The following CROT variants were observed in gnomAD, a reference collection of about 807,000 sequenced individuals.
CROT encodes the protein carnitine O-octanoyltransferase.
In CROT, 84 loss-of-function variants were observed where a neutral mutation model predicts 89.2. That is an observed-to-expected ratio of 0.94 (90% confidence interval 0.79 to 1.13). CROT has a LOEUF of 1.13. CROT is among the 50% of genes most tolerant of loss of function. The pLI is 0.00. For missense variants in CROT, 711 were observed against 727.8 expected, an observed-to-expected ratio of 0.98 and a Z score of 0.27; for synonymous variants, 212 against 239.5, an observed-to-expected ratio of 0.89 and a Z score of 1.06.
chr7:87,385,149 T>TC (rs1436014382), intron 13 of CROT, among the ~76,000 whole-genome samples: 2 of 152,008 alleles, frequency 1.3e-5, no homozygotes, highest in African/African-American at 4.8e-5. Context: ...TTTTTTTTTT[T>TC]CCCCTGGTAT....
At chr7:87,380,958 C>G (rs535195204) in intron 10 of CROT, among the ~76,000 whole-genome samples, 4 of 152,324 alleles carry the variant, frequency 2.6e-5, no homozygotes, top group South Asian at 4.1e-4. Flanking sequence ...GCATCTTATA[C>G]TGACCTCCCT....
intron 3 of CROT, among the ~76,000 whole-genome samples, chr7:87,353,361 C>CTAGT (rs1805939802): frequency 6.6e-6 from 1 of 151,976 alleles, no homozygotes; most frequent in African/African-American, 2.4e-5. Flanking sequence ...GTTGGCCAGG[C>CTAGT]TAGTCTCAAA....
At chr7:87,354,950 G>A (rs182622660) in intron 3 of CROT, among the ~76,000 whole-genome samples, 10 of 151,928 alleles carry the variant, frequency 6.6e-5, no homozygotes, top group Non-Finnish European at 1.2e-4. Flanking sequence ...TACACAAACC[G>A]TCTATGACAT....
intron 6 of CROT, among the ~76,000 whole-genome samples, chr7:87,367,581 T>G (rs539071962): frequency 4.8e-4 from 73 of 152,370 alleles, no homozygotes; most frequent in African/African-American, 1.7e-3. Flanking sequence ...TGCAATATGT[T>G]ACTGCAAATT....
rs1807646279 is a variant in CROT at position 87,398,854 on chromosome 7, C to T, written c.*210C>T. On this transcript the variant is annotated 3_prime_UTR_variant, in exon 18 of 18. Coordinates refer to ENST00000331536, the MANE Select transcript of CROT (RefSeq NM_021151.4). The stretch of plus-strand genomic sequence containing the variant: ...GAAATATTTTTAAGCTCCTCTGATG[C>T]AGCAGCAATGCAAATTATGACATAG... The T allele has an allele frequency of 3.7e-6, 2 of 544,452 alleles. No individual in the cohort carries two copies. The highest frequency in any genetic ancestry group is 1.9e-5 in the African/African-American group (1 of 52,498). The allele number at this position is 544,452 out of a possible 1,614,324, so 33.7% of individuals were successfully genotyped here.
At chr7:87,382,205 A>G in intron 12 of CROT, 24 bp downstream of exon 12, 1 of 1,553,922 alleles carries the variant, frequency 6.4e-7, no homozygotes, top group Non-Finnish European at 8.8e-7. Flanking sequence ...TTTTCTCTTA[A>G]ATAATAATGA....
At chr7:87,374,998 C>T (rs770099661) in intron 7 of CROT, among the ~76,000 whole-genome samples, 4 of 152,014 alleles carry the variant, frequency 2.6e-5, no homozygotes, top group Non-Finnish European at 5.9e-5. Flanking sequence ...AGTTATTTAT[C>T]TGCTGTATGT....
At chr7:87,349,206 T>C (rs781060257) in intron 3 of CROT, 23 bp downstream of exon 3, 6 of 1,138,804 alleles carry the variant, frequency 5.3e-6, no homozygotes, top group African/African-American at 3.2e-5. Context: ...TCTTTTAGTA[T>C]ATATTAATAT....
At chr7:87,350,147 C>G (rs1357828061) in intron 3 of CROT, among the ~76,000 whole-genome samples, 1 of 152,110 alleles carries the variant, frequency 6.6e-6, no homozygotes, top group Non-Finnish European at 1.5e-5. Flanking sequence ...TGCTGGAAAG[C>G]TCATGAAACT....
intron 2 of CROT, among the ~76,000 whole-genome samples, chr7:87,347,974 T>C (rs1259736764): frequency 2.6e-5 from 4 of 152,178 alleles, no homozygotes; most frequent in African/African-American, 9.6e-5. Flanking sequence ...CAGCTACAAC[T>C]CAGGATTCTG....
rs755734293 is a variant in CROT, at chr7:87,392,805, AC to A, written c.1583del (p.Pro528HisfsTer28). ...EGLPVPELFTDPLFSKSGGGG... is the reference protein window; with the variant it reads ...EGLPVPELFTXPLFSKSGGGG... ...CTTCCTGTTCCAGAACTCTTTACGG[AC>A]CCACTTTTTTCCAAAAGGTAATATA... On this transcript the variant is annotated frameshift_variant, in exon 16 of 18. Coordinates refer to ENST00000331536, the MANE Select transcript of CROT (RefSeq NM_021151.4). LOFTEE classifies it high-confidence loss of function. The A allele has an allele frequency of 6.2e-7, 1 of 1,613,624 alleles. No individual in the cohort carries two copies. The highest frequency in any genetic ancestry group is 1.3e-5 in the African/African-American group (1 of 75,012).
chr7:87,357,577 G>C, intron 3 of CROT: 1 of 1,288,892 alleles, frequency 7.8e-7, no homozygotes, highest in South Asian at 1.3e-5. Context: ...ATCTCACGCG[G>C]GAAGGAATTC....
intron 3 of CROT, among the ~76,000 whole-genome samples, chr7:87,350,959 T>C (rs558267035): frequency 1.3e-5 from 2 of 152,200 alleles, no homozygotes; most frequent in African/African-American, 4.8e-5. Flanking sequence ...GTTTTTTTTG[T>C]TTGTTTCAGT....
In CROT at chr7:87,381,917, C is replaced by T. The variant is rs750752877; in HGVS notation, c.986C>T (p.Pro329Leu). ...GVFGCNCDHA[P>L]FDAMIMVNIS... ...TGTGTGTTCTCATTTTAGCATGCTC[C>T]TTTTGATGCAATGATTATGGTGAAC... Residue 329 changes from proline (P) to leucine (L), a missense_variant, in exon 11 of 18, where the codon CCT (proline) becomes CTT (leucine). By Grantham distance (98) the Pro-to-Leu change is moderately conservative. Transcript: ENST00000331536. 2.5e-6 allele frequency: 4 copies of T among 1,605,196 alleles called. No homozygotes were observed. The East Asian group carries it at 6.7e-5, about 27-fold the overall frequency.
rs1350175886 is a variant in CROT at position 87,399,344 on chromosome 7, A to C, written c.*700A>C. The C allele has an allele frequency of 6.6e-6, 1 of 152,282 alleles. No individual in the cohort carries two copies. The highest frequency in any genetic ancestry group is 2.4e-5 in the African/African-American group (1 of 41,400). The allele number at this position is 152,282 out of a possible 1,614,324, so 9.4% of individuals were successfully genotyped here. A position where few individuals can be genotyped will look rare whatever the true frequency, so the allele number is the denominator to read the frequency against. The stretch of plus-strand genomic sequence containing the variant: ...AAAACTTAGCCGGGTATGGTGGTGC[A>C]TGTGTGCCTGTAGTCCAAGCTACTT... On this transcript the variant is annotated 3_prime_UTR_variant, in exon 18 of 18. Coordinates refer to ENST00000331536, the MANE Select transcript of CROT (RefSeq NM_021151.4).
At chr7:87,352,247 T>C (rs1381718874) in intron 3 of CROT, among the ~76,000 whole-genome samples, 1 of 152,250 alleles carries the variant, frequency 6.6e-6, no homozygotes, top group Non-Finnish European at 1.5e-5. Context: ...TTCCCCTTTT[T>C]TTTGTTAAGG....
intron 9 of CROT, 147 bp downstream of exon 9, chr7:87,376,100 G>A (rs1806805396): frequency 1.5e-6 from 1 of 663,070 alleles, no homozygotes; most frequent in Non-Finnish European, 2.4e-6. Flanking sequence ...CCAAATTGAA[G>A]CTTATAAAGT....
intron 3 of CROT, among the ~76,000 whole-genome samples, chr7:87,354,210 A>G (rs1805980580): frequency 6.6e-6 from 1 of 152,242 alleles, no homozygotes; most frequent in Non-Finnish European, 1.5e-5. Flanking sequence ...AAAAACCTTA[A>G]GCCTTTTAAA....
intron 10 of CROT, among the ~76,000 whole-genome samples, chr7:87,379,913 C>A (rs1356428761): frequency 6.6e-6 from 1 of 152,044 alleles, no homozygotes; most frequent in Non-Finnish European, 1.5e-5. Context: ...CAGTTCAGCA[C>A]CAGCTTGGGC....
Sources: gnomAD v4.1 joint callset for allele counts (sites outside exome capture counted in the v4.1 genomes callset) on GRCh38, gnomAD v4.1.1 for gene constraint, MANE v1.5 for transcripts, NCBI Gene and HGNC (gene_info 2026-07-23, HGNC 2026-07-21) for gene names.